Variants in MID1 observed in about 807,000 individuals in gnomAD.
The protein encoded by MID1 is midline 1.
A neutral mutation model predicts 40.4 loss-of-function variants in MID1; 7 were observed. The ratio of observed to expected loss-of-function variants is 0.17; its 90% confidence interval spans 0.10 to 0.33. MID1 has a LOEUF of 0.33. MID1 is among the 10% of genes least tolerant of loss of function. The pLI is 1.00. For synonymous variants in MID1, 229 were observed against 221.2 expected (o/e 1.04, Z -0.31); for missense variants, 367 against 558.5 (o/e 0.66, Z 3.46).
intron 2 of MID1, among the ~76,000 whole-genome samples, chrX:10,543,235 T>C (rs1030792350): frequency 8.9e-6 from 1 of 112,267 alleles, no homozygotes; most frequent in Non-Finnish European, 1.9e-5. Context: ...TCCAAAACAC[T>C]TGGTCATTCT....
rs1569268136 is a variant in MID1, at chrX:10,455,080, GA to G, written c.1448-4del. ...GGGATCCAGTTTAAATGGTTGGCCT[GA>G]AAACAAATTCACAAAACAGAAAAAG... On this transcript the variant is annotated splice_region_variant and splice_polypyrimidine_tract_variant and intron_variant, in intron 8 of 9. Transcript: ENST00000317552. The G allele has an allele frequency of 1.7e-6, 2 of 1,194,880 alleles. No homozygotes were observed. Among genetic ancestry groups the G allele is most frequent in the South Asian group, 1.8e-5 (1 of 56,557 alleles).
Position 10,529,979 on chromosome X carries a change from C to G in MID1, c.661-6792G>C, listed in dbSNP as rs774017733. On this transcript the variant is annotated intron_variant, in intron 2 of 9. Coordinates refer to ENST00000317552, the MANE Select transcript of MID1 (RefSeq NM_000381.4). ...AAGACAATGTCTTCTCTCAGCTTTG[C>G]TAAACAACAGAAGTCTTCCATGCTT... 1.2e-4 allele frequency among the ~76,000 whole-genome samples: 14 copies of G among 112,053 alleles called. No individual in the cohort carries two copies. In the South Asian group the frequency reaches 4.8e-3, roughly 39 times the overall value.
chrX:10,596,814 A>C (rs1255471953), intron 1 of MID1, among the ~76,000 whole-genome samples: 2 of 111,973 alleles, frequency 1.8e-5, no homozygotes, highest in Non-Finnish European at 3.8e-5. Context: ...GGACACCAAA[A>C]CCCTGTTAGA....
intron 2 of MID1, among the ~76,000 whole-genome samples, chrX:10,530,132 C>T (rs1334489812): frequency 8.9e-6 from 1 of 111,815 alleles, no homozygotes; most frequent in Non-Finnish European, 1.9e-5. Flanking sequence ...GCAAATATAA[C>T]ATTATCAAAC....
chrX:10,539,132 T>G (rs1268182375), intron 2 of MID1, among the ~76,000 whole-genome samples: 1 of 112,447 alleles, frequency 8.9e-6, no homozygotes, highest in Non-Finnish European at 1.9e-5. Context: ...GATGAGGAAT[T>G]GTGAAGCATT....
At chrX:10,693,308 C>T (rs2043142579) in intron 1 of MID1, among the ~76,000 whole-genome samples, 1 of 107,002 alleles carries the variant, frequency 9.3e-6, no homozygotes, top group Non-Finnish European at 1.9e-5. Context: ...GATCCTCCTA[C>T]CCCAGCCTTC....
In MID1 at chrX:10,446,008, T is replaced by C. The variant is rs1928021218; in HGVS notation, c.*3360A>G. 1 of 111,356 alleles carries C rather than the reference T, an allele frequency of 9.0e-6. No homozygotes were observed. Among genetic ancestry groups the C allele is most frequent in the East Asian group, 2.8e-4 (1 of 3,543 alleles). 9.2% of individuals were successfully genotyped at this position (111,356 alleles called of 1,213,427 possible). The stretch of plus-strand genomic sequence containing the variant: ...ATTTGAGCAAGACAACTCTTCGTGG[T>C]CGGGGGCTGCGCTTGCACTGTAGGA... On this transcript the variant is annotated 3_prime_UTR_variant, in exon 10 of 10. Coordinates refer to ENST00000317552, the MANE Select transcript of MID1 (RefSeq NM_000381.4).
chrX:10,465,214 TACACACACACACACACAC>T (rs775197915), intron 7 of MID1, among the ~76,000 whole-genome samples: 1 of 39,898 alleles, frequency 2.5e-5, no homozygotes, highest in Non-Finnish European at 4.2e-5. Flanking sequence ...TATATATATA[TACACACACACACACACAC>T]ACACACACAC....
intron 3 of MID1, among the ~76,000 whole-genome samples, chrX:10,511,221 G>T (rs1387317839): frequency 9.5e-6 from 1 of 105,725 alleles, no homozygotes; most frequent in Admixed American, 1.0e-4. Context: ...ACTCCAGCCT[G>T]GGTGACAGAG....
At chrX:10,726,865 T>C (rs1003880585) in intron 1 of MID1, among the ~76,000 whole-genome samples, 3 of 112,802 alleles carry the variant, frequency 2.7e-5, no homozygotes, top group Non-Finnish European at 5.6e-5. Context: ...TTTCTGAAGC[T>C]TGTGGCTACA....
Position 10,574,215 on chromosome X carries a change from A to C in MID1, c.-56-6612T>G, listed in dbSNP as rs144863003. Among the ~76,000 whole-genome samples, 681 of 111,815 alleles carry C rather than the reference A, an allele frequency of 6.1e-3. 6 individuals carry two copies. Among genetic ancestry groups the C allele is most frequent in the African/African-American group, 0.021 (642 of 30,778 alleles). On this transcript the variant is annotated intron_variant, in intron 1 of 9. Coordinates refer to ENST00000317552, the MANE Select transcript of MID1 (RefSeq NM_000381.4). Reference sequence around the variant, plus strand: ...GAATCACAAGGCTCTTTAAACGTGGAAGTGGCAGGAAGAAGAGTCAGAGTC... The same window carrying C: ...GAATCACAAGGCTCTTTAAACGTGGCAGTGGCAGGAAGAAGAGTCAGAGTC...
chrX:10,730,093 A>AT lies in MID1; in HGVS notation c.-187+103460_-187+103461insA, dbSNP rs1429171258. On this transcript the variant is annotated intron_variant, in intron 1 of 10. Transcript: ENST00000380785. ...AGCGAGACTCCATCTCAAAAAAAAA[A>AT]AAATAAATAAATGAATAAATAAATA... 5.6e-3 allele frequency among the ~76,000 whole-genome samples: 605 copies of AT among 108,506 alleles called. 10 individuals are homozygous for AT. Among genetic ancestry groups the AT allele is most frequent in the African/African-American group, 0.019 (567 of 29,899 alleles). 94.2% of individuals were successfully genotyped at this position (108,506 alleles called of 115,157 possible). A position where few individuals can be genotyped will look rare whatever the true frequency, so the allele number is the denominator to read the frequency against.
chrX:10,619,965 T>C (rs1270571370), intron 1 of MID1, among the ~76,000 whole-genome samples: 1 of 111,649 alleles, frequency 9.0e-6, no homozygotes, highest in Non-Finnish European at 1.9e-5. Flanking sequence ...TCGAGATACA[T>C]CCTGCACGAT....
intron 1 of MID1, among the ~76,000 whole-genome samples, chrX:10,719,065 T>G (rs1375714084): frequency 9.0e-6 from 1 of 111,642 alleles, no homozygotes; most frequent in South Asian, 3.7e-4. Context: ...TAAGAGCTAT[T>G]TATGACAAAG....
intron 1 of MID1, among the ~76,000 whole-genome samples, chrX:10,701,596 T>C (rs114512228): frequency 0.078 from 8,739 of 111,928 alleles, 479 homozygotes; most frequent in African/African-American, 0.2. Flanking sequence ...GTTAAAAGAG[T>C]AAAACATCTG....
chrX:10,594,989 C>T (rs1039183496), intron 1 of MID1, among the ~76,000 whole-genome samples: 1 of 111,625 alleles, frequency 9.0e-6, no homozygotes, highest in Admixed American at 9.5e-5. Flanking sequence ...CTTCATATAT[C>T]CATAACTGGC....
At chrX:10,692,028 C>T (rs2043134348) in intron 1 of MID1, among the ~76,000 whole-genome samples, 1 of 111,639 alleles carries the variant, frequency 9.0e-6, no homozygotes, top group Non-Finnish European at 1.9e-5. Flanking sequence ...GAATTCTAGT[C>T]AGACTGGTTG....
chrX:10,705,056 C>T (rs1032581638), intron 1 of MID1, among the ~76,000 whole-genome samples: 7 of 111,235 alleles, frequency 6.3e-5, no homozygotes, highest in Non-Finnish European at 1.3e-4. Flanking sequence ...GCCACCACAC[C>T]CAGCCGAGAC....
At chrX:10,787,708 G>A (rs1377671563) in intron 1 of MID1, among the ~76,000 whole-genome samples, 1 of 103,216 alleles carries the variant, frequency 9.7e-6, no homozygotes. Context: ...ACTGCACCCG[G>A]CCCAAAAACC....
Sources: gnomAD v4.1 joint callset for allele counts (sites outside exome capture counted in the v4.1 genomes callset) on GRCh38, gnomAD v4.1.1 for gene constraint, MANE v1.5 for transcripts, NCBI Gene and HGNC (gene_info 2026-07-23, HGNC 2026-07-21) for gene names.